Variants in HERC4 observed in about 807,000 individuals in gnomAD.
HERC4 encodes the protein probable E3 ubiquitin-protein ligase HERC4.
A neutral mutation model predicts 124.3 loss-of-function variants in HERC4; 28 were observed. The observed-to-expected ratio is 0.23, with a 90% confidence interval of 0.17 to 0.31. The LOEUF (loss-of-function observed/expected upper bound fraction) is 0.31. Ranked by LOEUF, HERC4 falls within the 10% of genes least tolerant of loss-of-function variation. HERC4 has a pLI of 1.00. For synonymous variants in HERC4, 407 were observed against 421.5 expected (o/e 0.97, Z 0.42); for missense variants, 713 against 1,229.3 (o/e 0.58, Z 6.28).
intron 19 of HERC4, among the ~76,000 whole-genome samples, chr10:67,945,333 G>C (rs1268651546): frequency 2.6e-5 from 4 of 152,280 alleles, no homozygotes; most frequent in South Asian, 4.1e-4. Context: ...TTTTATCCTA[G>C]AATAGTATGT....
At chr10:68,040,048 A>G in intron 4 of HERC4, 1 of 743,728 alleles carries the variant, frequency 1.3e-6, no homozygotes, top group African/African-American at 1.9e-5. Flanking sequence ...TATACCCATG[A>G]TAATGCCTGG....
chr10:67,940,992 C>T lies in HERC4; in HGVS notation c.2451G>A (p.Leu817=). ...HFPLALYKKL[L]KKKPSLDDLK... ...AATCATCCAAGGATGGCTTCTTTTT[C>T]AGTAGTTTCTTATATAAAGCCAAAG... Residue 817 remains leucine (L), a synonymous_variant, in exon 20 of 25, where the codon CTG becomes CTA. Transcript: ENST00000373700. 4 of 1,611,440 alleles carry T rather than the reference C, an allele frequency of 2.5e-6. No individual in the cohort carries two copies. Among genetic ancestry groups the T allele is most frequent in the Non-Finnish European group, 3.4e-6 (4 of 1,179,280 alleles).
At chr10:68,043,056 T>C (rs2039847882) in intron 4 of HERC4, among the ~76,000 whole-genome samples, 1 of 152,214 alleles carries the variant, frequency 6.6e-6, no homozygotes, top group South Asian at 2.1e-4. Context: ...TAGTTGTTAT[T>C]ATTGGACAAC....
At chr10:67,946,234 C>A (rs2033316846) in intron 19 of HERC4, among the ~76,000 whole-genome samples, 1 of 150,274 alleles carries the variant, frequency 6.7e-6, no homozygotes, top group Non-Finnish European at 1.5e-5. Flanking sequence ...GGTGACAGAG[C>A]AAGACCCTAT....
chr10:67,983,481 A>T (rs1236527185), intron 15 of HERC4, among the ~76,000 whole-genome samples: 1 of 152,110 alleles, frequency 6.6e-6, no homozygotes, highest in Non-Finnish European at 1.5e-5. Flanking sequence ...AGTGTCCATC[A>T]GTAGGTGAAT....
At chr10:67,959,161 C>T (rs756783478) in intron 16 of HERC4, 9 of 1,570,982 alleles carry the variant, frequency 5.7e-6, no homozygotes, top group Admixed American at 3.8e-5. Context: ...CAGAATATAA[C>T]AATAACGAGG....
At chr10:67,976,012 G>A (rs2035565535) in intron 15 of HERC4, among the ~76,000 whole-genome samples, 1 of 151,298 alleles carries the variant, frequency 6.6e-6, no homozygotes, top group Non-Finnish European at 1.5e-5. Flanking sequence ...TGCTACCCAG[G>A]TCAAATGCTA....
chr10:67,955,134 GA>G lies in HERC4; in HGVS notation c.2026-5del. On this transcript the variant is annotated splice_region_variant and splice_polypyrimidine_tract_variant and intron_variant, in intron 17 of 24. Coordinates refer to ENST00000373700, the MANE Select transcript of HERC4 (RefSeq NM_015601.4). ...TGTGGGCCTGATCAATAGCCATCTG[GA>G]AAACAAAAGATTAACATTTTAACAG... 1 of 1,569,156 alleles carries G rather than the reference GA, an allele frequency of 6.4e-7. No homozygotes were observed.
intron 23 of HERC4, among the ~76,000 whole-genome samples, chr10:67,927,406 ATATATATATATATATATATATATATT>A (rs1428758091): frequency 0.04 from 374 of 9,336 alleles, 15 homozygotes; most frequent in African/African-American, 0.097. Flanking sequence ...ATATATATAT[ATATATATATATATATATATATATATT>A]TTTTTTTTTT....
Position 68,062,670 on chromosome 10 carries a change from G to A in HERC4, c.226+10213C>T, listed in dbSNP as rs571476176. ...AGCTACTCAGGAGGCTGAGGCAGGA[G>A]AATCACATGAACCCGGGAGGCGGAG... is the stretch of plus-strand genomic sequence containing the variant. On this transcript the variant is annotated intron_variant, in intron 3 of 24. Transcript: ENST00000373700. Among the ~76,000 whole-genome samples, 8 of 152,176 alleles carry A rather than the reference G, an allele frequency of 5.3e-5. No homozygotes were observed. In the South Asian group the frequency reaches 1.4e-3, roughly 28 times the overall value.
chr10:68,034,228 G>A, intron 5 of HERC4, 42 bp from the exon 6 acceptor site: 5 of 1,408,422 alleles, frequency 3.6e-6, no homozygotes, highest in South Asian at 1.2e-5. Context: ...TTTCTCACAT[G>A]CAAAAAATTT....
intron 9 of HERC4, among the ~76,000 whole-genome samples, chr10:68,006,629 C>T (rs186362677): frequency 9.5e-4 from 144 of 152,246 alleles, no homozygotes; most frequent in African/African-American, 3.4e-3. Flanking sequence ...CTGCCCGCCT[C>T]AGCCTCCCAA....
chr10:68,073,277 G>A (rs781421678), intron 2 of HERC4, 91 bp from the exon 3 acceptor site: 4 of 580,470 alleles, frequency 6.9e-6, no homozygotes, highest in Non-Finnish European at 9.1e-6. Flanking sequence ...ATTGCTACAT[G>A]GTAAACATTA....
chr10:67,942,245 A>G (rs537043029), intron 19 of HERC4, among the ~76,000 whole-genome samples: 1 of 152,342 alleles, frequency 6.6e-6, no homozygotes, highest in East Asian at 1.9e-4. Flanking sequence ...TATTTATCTC[A>G]TATGGTTGTT....
chr10:68,043,306 A>T (rs1305501009), intron 4 of HERC4, among the ~76,000 whole-genome samples: 1 of 152,180 alleles, frequency 6.6e-6, no homozygotes, highest in African/African-American at 2.4e-5. Flanking sequence ...TTTTCATCCT[A>T]AACACAGTTT....
chr10:68,039,879 T>C (rs1371813808), intron 4 of HERC4: 1 of 995,172 alleles, frequency 1.0e-6, no homozygotes, highest in African/African-American at 1.7e-5. Flanking sequence ...GAGTATCAAG[T>C]ACAATTTTGC....
chr10:67,989,631 C>CA (rs2036446468), intron 14 of HERC4, among the ~76,000 whole-genome samples: 1 of 151,290 alleles, frequency 6.6e-6, no homozygotes. Context: ...TTAAATGTAG[C>CA]AAAAAAAGTA....
intron 3 of HERC4, among the ~76,000 whole-genome samples, chr10:68,059,841 AAT>A (rs1312327524): frequency 0.077 from 2,513 of 32,762 alleles, 194 homozygotes; most frequent in African/African-American, 0.19. Context: ...TATATATTAT[AAT>A]ATATTATATA....
rs146955008 is a variant in HERC4 at position 68,030,881 on chromosome 10, T to A, written c.777+1897A>T. ...ATGGTATGTCTTTCCATTTATTCTG[T>A]TTTTAAAAGTTGGTTTTAAAATCTT... is the stretch of plus-strand genomic sequence containing the variant. On this transcript the variant is annotated intron_variant, in intron 7 of 24. Transcript: ENST00000373700. Among the ~76,000 whole-genome samples, 1,029 of 152,338 alleles carry A rather than the reference T, an allele frequency of 6.8e-3. 32 individuals carry two copies. Among genetic ancestry groups the A allele is most frequent in the Admixed American group, 0.058 (886 of 15,300 alleles).
Sources: gnomAD v4.1 joint callset for allele counts (sites outside exome capture counted in the v4.1 genomes callset) on GRCh38, gnomAD v4.1.1 for gene constraint, MANE v1.5 for transcripts, NCBI Gene and HGNC (gene_info 2026-07-23, HGNC 2026-07-21) for gene names.